KCNJ15: variants seen among roughly 807,000 people sequenced by gnomAD.
KCNJ15 encodes the protein potassium inwardly rectifying channel subfamily J member 15, also known as ATP-sensitive inward rectifier potassium channel 15.
In KCNJ15, 14 loss-of-function variants were observed where a neutral mutation model predicts 23.0. That is an observed-to-expected ratio of 0.61 (90% CI 0.40 to 0.95). The LOEUF is 0.95. Among genes scored for constraint, KCNJ15 ranks in the 40% least tolerant of loss-of-function variants. The probability of loss-of-function intolerance (pLI) is 0.00; values close to 1 mark genes in which losing one functional copy is unlikely to be tolerated. For synonymous variants in KCNJ15, 185 were observed against 183.2 expected (o/e 1.01, Z -0.08); for missense variants, 388 against 461.8 (o/e 0.84, Z 1.46).
chr21:38,246,201 G>T (rs970516406), intron 1 of KCNJ15, among the ~76,000 whole-genome samples: 1 of 152,168 alleles, frequency 6.6e-6, no homozygotes, highest in African/African-American at 2.4e-5. Context: ...GAGCTAAAAC[G>T]AATCATGTAT....
At position 38,288,026 on chromosome 21, in the gene KCNJ15, CTTTGTTTTTTTTTTTT is replaced by C. The variant is rs1327675931; in HGVS notation, c.-116-8896_-116-8881del. Reference sequence around the variant, plus strand: ...CCATTGTTAAATAACTTGTTTTTTTCTTTGTTTTTTTTTTTTTTTTTTTTTTTTTTTTGAGATGGAG... The same window carrying C: ...CCATTGTTAAATAACTTGTTTTTTTCTTTTTTTTTTTTTTTTGAGATGGAG... On this transcript the variant is annotated intron_variant, in intron 1 of 2. Transcript: ENST00000398938. 7.7e-5 allele frequency among the ~76,000 whole-genome samples: 6 copies of C among 78,170 alleles called. 1 individual carries two copies. The highest frequency in any genetic ancestry group is 1.1e-4 in the Non-Finnish European group (5 of 44,190). The allele number at this position is 78,170 out of a possible 152,430, so 51.3% of individuals were successfully genotyped here.
intron 1 of KCNJ15, among the ~76,000 whole-genome samples, chr21:38,291,025 C>CATAT (rs1555885288): frequency 6.6e-6 from 1 of 150,942 alleles, no homozygotes; most frequent in African/African-American, 2.4e-5. Flanking sequence ...CACACACACA[C>CATAT]GTATATATAG....
chr21:38,298,037 T>C (rs922849593), intron 2 of KCNJ15: 2 of 152,202 alleles, frequency 1.3e-5, no homozygotes, highest in African/African-American at 4.8e-5. Context: ...TATCAGTTCC[T>C]TAATAAAAGG....
chr21:38,266,808 A>G (rs2033749011), intron 1 of KCNJ15, among the ~76,000 whole-genome samples: 1 of 152,224 alleles, frequency 6.6e-6, no homozygotes, highest in Admixed American at 6.5e-5. Context: ...GCAGAGGTTA[A>G]GTAACACGCT....
intron 1 of KCNJ15, among the ~76,000 whole-genome samples, chr21:38,272,945 CA>C (rs1482623705): frequency 6.6e-6 from 1 of 152,124 alleles, no homozygotes; most frequent in Non-Finnish European, 1.5e-5. Context: ...TTGGTTATGC[CA>C]AAGACTGCTT....
At chr21:38,286,010 G>T (rs997618688) in intron 1 of KCNJ15, among the ~76,000 whole-genome samples, 1 of 152,166 alleles carries the variant, frequency 6.6e-6, no homozygotes, top group Admixed American at 6.5e-5. Flanking sequence ...TTGGGAGGCC[G>T]AGGCGGGCGG....
chr21:38,259,162 T>C (rs994087975), intron 1 of KCNJ15, among the ~76,000 whole-genome samples: 7 of 152,212 alleles, frequency 4.6e-5, no homozygotes, highest in Non-Finnish European at 1.0e-4. Context: ...GTCAAATCTT[T>C]GGAATATCCT....
At chr21:38,235,359 G>A (rs918744254) in intron 1 of KCNJ15, among the ~76,000 whole-genome samples, 1 of 152,048 alleles carries the variant, frequency 6.6e-6, no homozygotes, top group African/African-American at 2.4e-5. Flanking sequence ...TTTCAGACCA[G>A]CCTGGCCAAC....
chr21:38,307,187 C>T lies in KCNJ15; in HGVS notation c.*6798C>T, dbSNP rs1265156083. On this transcript the variant is annotated 3_prime_UTR_variant, in exon 3 of 3. Transcript: ENST00000398938. ...ATCACTGAACCCAATCATACAATGA[C>T]CAGACAGCTTTAAATACCTACTTTT... is the stretch of plus-strand genomic sequence containing the variant. The T allele has an allele frequency of 1.3e-5, 2 of 152,192 alleles. No homozygotes were observed. The highest frequency in any genetic ancestry group is 2.9e-5 in the Non-Finnish European group (2 of 68,032). The allele number at this position is 152,192 out of a possible 1,614,324, so 9.4% of individuals were successfully genotyped here. A position where few individuals can be genotyped will look rare whatever the true frequency, so the allele number is the denominator to read the frequency against.
At chr21:38,292,033 G>A (rs1298234507) in intron 1 of KCNJ15, among the ~76,000 whole-genome samples, 1 of 152,198 alleles carries the variant, frequency 6.6e-6, no homozygotes, top group Non-Finnish European at 1.5e-5. Context: ...CTGACGCGTA[G>A]TGAGCAGGAA....
chr21:38,252,902 G>A (rs1224079187), upstream of KCNJ15, among the ~76,000 whole-genome samples: 1 of 152,186 alleles, frequency 6.6e-6, no homozygotes, highest in Non-Finnish European at 1.5e-5. Context: ...TTAACAGCCT[G>A]CTGCCCCTAC....
intron 1 of KCNJ15, among the ~76,000 whole-genome samples, chr21:38,296,318 A>T (rs1985153417): frequency 6.6e-6 from 1 of 152,210 alleles, no homozygotes; most frequent in Admixed American, 6.5e-5. Context: ...GCTTAGGAAG[A>T]ATTATTTTCA....
intron 1 of KCNJ15, among the ~76,000 whole-genome samples, chr21:38,290,959 C>A (rs1227127839): frequency 7.5e-6 from 1 of 132,560 alleles, no homozygotes; most frequent in Non-Finnish European, 1.6e-5. Flanking sequence ...ACCAGATCAG[C>A]ACTCCTCAGT....
chr21:38,240,896 T>A (rs114609539), intron 1 of KCNJ15, among the ~76,000 whole-genome samples: 1 of 152,198 alleles, frequency 6.6e-6, no homozygotes, highest in South Asian at 2.1e-4. Context: ...GCTTTCATAC[T>A]CAACAGGTGG....
chr21:38,247,350 GT>G (rs1979484367), intron 1 of KCNJ15, among the ~76,000 whole-genome samples: 1 of 135,088 alleles, frequency 7.4e-6, no homozygotes, highest in Non-Finnish European at 1.6e-5. Context: ...AGATGCATAG[GT>G]GGATGGATGG....
rs148298345 is a variant in KCNJ15, at chr21:38,289,054, G to A, written c.-116-7872G>A. Among the ~76,000 whole-genome samples the A allele has an allele frequency of 7.8e-3, 1,184 of 152,086 alleles. 18 individuals are homozygous for A. The highest frequency in any genetic ancestry group is 0.027 in the African/African-American group (1,104 of 41,466). On this transcript the variant is annotated intron_variant, in intron 1 of 2. Coordinates refer to ENST00000398938, the MANE Select transcript of KCNJ15 (RefSeq NM_170736.3). Reference sequence around the variant, plus strand: ...TCTATTAAAAATACATAAATTAGCCGGGTATGGTGGTGCATGCCTATAATC... The same window carrying A: ...TCTATTAAAAATACATAAATTAGCCAGGTATGGTGGTGCATGCCTATAATC...
chr21:38,286,398 G>GT (rs1198963228), intron 1 of KCNJ15, among the ~76,000 whole-genome samples: 1 of 152,192 alleles, frequency 6.6e-6, no homozygotes, highest in African/African-American at 2.4e-5. Context: ...AGAAGAAACT[G>GT]TACCATTACT....
chr21:38,294,131 T>C (rs972191633), intron 1 of KCNJ15, among the ~76,000 whole-genome samples: 5 of 152,244 alleles, frequency 3.3e-5, no homozygotes, highest in African/African-American at 4.8e-5. Context: ...GCATTTTTTT[T>C]CTACTTAATA....
chr21:38,292,735 G>C (rs1022251722), intron 1 of KCNJ15, among the ~76,000 whole-genome samples: 2 of 152,120 alleles, frequency 1.3e-5, no homozygotes, highest in East Asian at 3.9e-4. Context: ...TTGGGAGGCT[G>C]AGGTGAGCAG....
Sources: gnomAD v4.1 joint callset for allele counts (sites outside exome capture counted in the v4.1 genomes callset) on GRCh38, gnomAD v4.1.1 for gene constraint, MANE v1.5 for transcripts, NCBI Gene and HGNC (gene_info 2026-07-23, HGNC 2026-07-21) for gene names.